MINDY2: variants seen among roughly 807,000 people sequenced by gnomAD.
MINDY2 encodes the protein MINDY lysine 48 deubiquitinase 2.
A neutral mutation model predicts 68.2 loss-of-function variants in MINDY2; 52 were observed. The ratio of observed to expected loss-of-function variants is 0.76; its 90% CI spans 0.61 to 0.96. MINDY2 has a LOEUF of 0.96. Among genes scored for constraint, MINDY2 ranks in the 40% least tolerant of loss-of-function variants. MINDY2 has a pLI of 0.00. For missense variants in MINDY2, 881 were observed against 773.4 expected (o/e 1.14, Z -1.65); for synonymous variants, 372 against 303.0 (o/e 1.23, Z -2.36).
At chr15:58,781,676 G>A (rs929724801) in intron 1 of MINDY2, among the ~76,000 whole-genome samples, 10 of 152,020 alleles carry the variant, frequency 6.6e-5, no homozygotes, top group African/African-American at 1.9e-4. Flanking sequence ...AGGCCAAGGC[G>A]GGTGGATCAC....
chr15:58,789,734 A>G (rs1214735767), intron 2 of MINDY2, among the ~76,000 whole-genome samples: 1 of 150,754 alleles, frequency 6.6e-6, no homozygotes, highest in East Asian at 2.0e-4. Flanking sequence ...CGCAACCTCC[A>G]CCTCCTGGGT....
intron 1 of MINDY2, among the ~76,000 whole-genome samples, chr15:58,781,037 G>T (rs1335364893): frequency 6.6e-6 from 1 of 152,012 alleles, no homozygotes; most frequent in Non-Finnish European, 1.5e-5. Context: ...AATGGAAGAT[G>T]CCTTCTTTTA....
In MINDY2 at chr15:58,859,568, A is replaced by G. The variant is rs2033158545; in HGVS notation, c.*4958A>G. 1 of 152,198 alleles carries G rather than the reference A, an allele frequency of 6.6e-6. No homozygotes were observed. The highest frequency in any genetic ancestry group is 1.5e-5 in the Non-Finnish European group (1 of 68,036). The allele number at this position is 152,198 out of a possible 1,614,324, so 9.4% of individuals were successfully genotyped here. A position where few individuals can be genotyped will look rare whatever the true frequency, so the allele number is the denominator to read the frequency against. On this transcript the variant is annotated 3_prime_UTR_variant, in exon 9 of 9. Transcript: ENST00000559228. ...ACACCTCTAAGATTGTTGAGAAAACATGAAGAATTGAGGTTACTCTTCTCA... is the reference window on the plus strand; with the variant it reads ...ACACCTCTAAGATTGTTGAGAAAACGTGAAGAATTGAGGTTACTCTTCTCA...
In MINDY2 at chr15:58,855,631, T is replaced by TC. The variant is rs1313016713; in HGVS notation, c.*1022dup. On this transcript the variant is annotated 3_prime_UTR_variant, in exon 9 of 9. Coordinates refer to ENST00000559228, the MANE Select transcript of MINDY2 (RefSeq NM_001040450.3). ...TCTTATAAAAAGACATTAATAAAAA[T>TC]CTGAAAGGGCCGGGCGCAGTGGCTC... is the stretch of plus-strand genomic sequence containing the variant. 1 of 152,528 alleles carries TC rather than the reference T, an allele frequency of 6.6e-6. No homozygotes were observed. Among genetic ancestry groups the TC allele is most frequent in the Admixed American group, 6.6e-5 (1 of 15,264 alleles). 9.4% of individuals were successfully genotyped at this position (152,528 alleles called of 1,614,324 possible). A position where few individuals can be genotyped will look rare whatever the true frequency, so the allele number is the denominator to read the frequency against.
intron 1 of MINDY2, among the ~76,000 whole-genome samples, chr15:58,783,675 C>A (rs921256120): frequency 5.3e-5 from 8 of 152,080 alleles, no homozygotes; most frequent in Non-Finnish European, 1.0e-4. Flanking sequence ...GGCTTACACC[C>A]GTAATCCCAG....
At chr15:58,803,831 G>A (rs1030708585) in intron 3 of MINDY2, among the ~76,000 whole-genome samples, 15 of 150,750 alleles carry the variant, frequency 1.0e-4, no homozygotes, top group Admixed American at 2.7e-4. Context: ...ATAAGAGGCC[G>A]GGCGTGGTGG....
intron 3 of MINDY2, 148 bp from the exon 4 acceptor site, chr15:58,810,082 C>A: frequency 1.4e-6 from 1 of 693,570 alleles, no homozygotes. Flanking sequence ...GCTTCTGACA[C>A]ATAGTAGATA....
intron 5 of MINDY2, among the ~76,000 whole-genome samples, chr15:58,822,358 TA>T (rs1211966759): frequency 1.3e-5 from 2 of 152,172 alleles, no homozygotes; most frequent in Non-Finnish European, 2.9e-5. Flanking sequence ...TGGATTCTAT[TA>T]AAAATTTTTG....
In MINDY2 at chr15:58,831,041, G is replaced by GTGTGTGTGTGTATATATATA. The variant is rs565786025; in HGVS notation, c.1226-732_1226-731insGTGTGTGTGTATATATATAT. Among the ~76,000 whole-genome samples, 8 of 124,922 alleles carry GTGTGTGTGTGTATATATATA rather than the reference G, an allele frequency of 6.4e-5. No individual in the cohort carries two copies. In the South Asian group the frequency reaches 2.0e-3, roughly 31 times the overall value. 82.0% of individuals were successfully genotyped at this position (124,922 alleles called of 152,430 possible). A position where few individuals can be genotyped will look rare whatever the true frequency, so the allele number is the denominator to read the frequency against. On this transcript the variant is annotated intron_variant, in intron 5 of 8. Coordinates refer to ENST00000559228, the MANE Select transcript of MINDY2 (RefSeq NM_001040450.3). Reference sequence around the variant, plus strand: ...TGTGTGTGTGTGTGTGTGTGTGTGTGTATATATATATATATATATGTTTTA... The same window carrying GTGTGTGTGTGTATATATATA: ...TGTGTGTGTGTGTGTGTGTGTGTGTGTGTGTGTGTGTATATATATATATATATATATATATATATGTTTTA...
At position 58,857,384 on chromosome 15, in the gene MINDY2, A is replaced by G. The variant is rs1188659610; in HGVS notation, c.*2774A>G. 1 of 152,174 alleles carries G rather than the reference A, an allele frequency of 6.6e-6. No individual in the cohort carries two copies. The highest frequency in any genetic ancestry group is 1.5e-5 in the Non-Finnish European group (1 of 68,100). 9.4% of individuals were successfully genotyped at this position (152,174 alleles called of 1,614,324 possible). ...CCCTGTCTCTACTAAAAATACAATA[A>G]TTAGCCAGGCATGGTGGCGGGCACC... On this transcript the variant is annotated 3_prime_UTR_variant, in exon 9 of 9. Coordinates refer to ENST00000559228, the MANE Select transcript of MINDY2 (RefSeq NM_001040450.3).
At chr15:58,832,536 T>C (rs185258587) in intron 6 of MINDY2, among the ~76,000 whole-genome samples, 304 of 138,308 alleles carry the variant, frequency 2.2e-3, no homozygotes, top group Non-Finnish European at 2.9e-3. Flanking sequence ...ACTTTTTTTT[T>C]TTTCTTTCTT....
intron 3 of MINDY2, among the ~76,000 whole-genome samples, chr15:58,807,285 A>T (rs1362645034): frequency 2.0e-5 from 3 of 152,030 alleles, no homozygotes; most frequent in Non-Finnish European, 4.4e-5. Flanking sequence ...TATTCTTTCA[A>T]ATGTATTCTC....
intron 6 of MINDY2, among the ~76,000 whole-genome samples, chr15:58,844,986 A>G (rs1008487366): frequency 2.0e-5 from 3 of 151,472 alleles, no homozygotes; most frequent in Non-Finnish European, 4.4e-5. Context: ...TTTGCAAACT[A>G]CCTATGTGAC....
intron 7 of MINDY2, among the ~76,000 whole-genome samples, chr15:58,851,267 C>T (rs917269562): frequency 6.6e-6 from 1 of 152,142 alleles, no homozygotes; most frequent in Non-Finnish European, 1.5e-5. Flanking sequence ...AGCCACCGCA[C>T]CTGGCCTCCA....
chr15:58,784,241 G>T (rs984573912), intron 1 of MINDY2, among the ~76,000 whole-genome samples: 11 of 151,962 alleles, frequency 7.2e-5, no homozygotes, highest in African/African-American at 2.7e-4. Context: ...TGGGAGGACT[G>T]CTTGAGCTGG....
Position 58,828,575 on chromosome 15 carries a change from CTTTTTTT to C in MINDY2, c.1226-3183_1226-3177del, listed in dbSNP as rs1163905877. ...AATGAACTAATTTATTATTGAATTT[CTTTTTTT>C]TTTTTTTTTTTTTTTGTCACCCAGG... On this transcript the variant is annotated intron_variant, in intron 5 of 8. Transcript: ENST00000559228. 4.1e-3 allele frequency among the ~76,000 whole-genome samples: 436 copies of C among 106,122 alleles called. 1 individual carries two copies. Among genetic ancestry groups the C allele is most frequent in the East Asian group, 0.035 (129 of 3,696 alleles). The allele number at this position is 106,122 out of a possible 152,430, so 69.6% of individuals were successfully genotyped here. A position where few individuals can be genotyped will look rare whatever the true frequency, so the allele number is the denominator to read the frequency against.
At chr15:58,814,469 C>A (rs2030538011) in intron 4 of MINDY2, among the ~76,000 whole-genome samples, 1 of 152,038 alleles carries the variant, frequency 6.6e-6, no homozygotes, top group Non-Finnish European at 1.5e-5. Context: ...TCACTGCAAC[C>A]TCAAACTCCT....
In MINDY2 at chr15:58,772,167, A is replaced by G; in HGVS notation, c.772A>G (p.Ile258Val). 1.2e-6 allele frequency: 2 copies of G among 1,613,998 alleles called. No individual in the cohort carries two copies. The highest frequency in any genetic ancestry group is 1.7e-6 in the Non-Finnish European group (2 of 1,180,018). The part of the protein sequence containing the change: ...IQWKEENTPI[I>V]TQNENGPCPL... ...GTGGAAGGAAGAGAACACACCCATC[A>G]TCACCCAGAATGAGAACGGACCCTG... The change falls in exon 1 of 9, where the codon ATC (isoleucine) becomes GTC (valine). Residue 258 changes from isoleucine to valine, a missense_variant. Transcript: ENST00000559228.
chr15:58,797,194 G>A (rs966428196), intron 2 of MINDY2, among the ~76,000 whole-genome samples: 1 of 152,150 alleles, frequency 6.6e-6, no homozygotes, highest in Non-Finnish European at 1.5e-5. Context: ...CATGTACTAA[G>A]TTAAATAAAA....
Sources: gnomAD v4.1 joint callset for allele counts (sites outside exome capture counted in the v4.1 genomes callset) on GRCh38, gnomAD v4.1.1 for gene constraint, MANE v1.5 for transcripts, NCBI Gene and HGNC (gene_info 2026-07-23, HGNC 2026-07-21) for gene names.